The following METAP1 variants were observed in gnomAD, a reference collection of about 807,000 sequenced individuals.
METAP1 encodes the protein methionyl aminopeptidase 1, also known as methionine aminopeptidase 1.
A neutral mutation model predicts 53.8 loss-of-function variants in METAP1; 28 were observed. That is an observed-to-expected ratio of 0.52 (90% CI 0.39 to 0.71). METAP1 has a LOEUF of 0.71. Ranked by LOEUF, METAP1 falls within the 30% of genes least tolerant of loss-of-function variation. METAP1 has a pLI of 0.00. For missense variants in METAP1, 389 were observed against 479.8 expected (o/e 0.81, Z 1.77); for synonymous variants, 181 against 165.7 (o/e 1.09, Z -0.71).
chr4:99,028,443 T>C (rs895521713), intron 1 of METAP1, among the ~76,000 whole-genome samples: 2 of 152,130 alleles, frequency 1.3e-5, no homozygotes, highest in Non-Finnish European at 2.9e-5. Context: ...TGTCACATAG[T>C]AACTACTTAC....
intron 1 of METAP1, among the ~76,000 whole-genome samples, chr4:99,013,429 G>A (rs919235485): frequency 1.3e-5 from 2 of 152,160 alleles, no homozygotes; most frequent in African/African-American, 4.8e-5. Context: ...AATAAAGGCT[G>A]TTGGGCATGG....
At chr4:99,008,434 G>A (rs971678029) in intron 1 of METAP1, among the ~76,000 whole-genome samples, 1 of 152,130 alleles carries the variant, frequency 6.6e-6, no homozygotes, top group Non-Finnish European at 1.5e-5. Flanking sequence ...GTTATAAAAA[G>A]GAGTACATGA....
intron 8 of METAP1, among the ~76,000 whole-genome samples, chr4:99,046,744 G>A (rs1177106145): frequency 1.3e-5 from 2 of 152,078 alleles, no homozygotes; most frequent in African/African-American, 4.8e-5. Context: ...TGTGTATCAG[G>A]TGAAATTTTG....
chr4:99,006,648 TCTTA>T (rs1723192149), intron 1 of METAP1, among the ~76,000 whole-genome samples: 1 of 152,186 alleles, frequency 6.6e-6, no homozygotes. Context: ...AATAGGCCAA[TCTTA>T]CTTAAATTTC....
rs778100398 is a variant in METAP1, at chr4:99,039,328, C to A, written c.341-46C>A. The stretch of plus-strand genomic sequence containing the variant: ...TTTATAATTATGCAAATAAATACTA[C>A]ATCTTTGCATTCATTTTGGTTTTAC... On this transcript the variant is annotated intron_variant, in intron 4 of 10. Transcript: ENST00000296411. 1.5e-5 allele frequency: 16 copies of A among 1,095,778 alleles called. No individual in the cohort carries two copies. The South Asian group carries it at 1.9e-4, about 13-fold the overall frequency. 67.9% of individuals were successfully genotyped at this position (1,095,778 alleles called of 1,614,324 possible).
chr4:99,031,731 C>T, intron 2 of METAP1: 1 of 619,610 alleles, frequency 1.6e-6, no homozygotes, highest in South Asian at 1.5e-5. Context: ...AAAATCCTGT[C>T]CCATGCAAAG....
At chr4:99,031,474 A>C in intron 2 of METAP1, 1 of 1,285,414 alleles carries the variant, frequency 7.8e-7, no homozygotes, top group Non-Finnish European at 1.0e-6. Context: ...TCCCCTACCC[A>C]TTCACACTAG....
At chr4:99,004,422 A>T (rs1723069281) in intron 1 of METAP1, among the ~76,000 whole-genome samples, 1 of 150,008 alleles carries the variant, frequency 6.7e-6, no homozygotes. Flanking sequence ...TAGGGGAGTT[A>T]TTAGCCAAGG....
chr4:99,017,611 A>G (rs62323256), intron 1 of METAP1, among the ~76,000 whole-genome samples: 5,642 of 152,336 alleles, frequency 0.037, 135 homozygotes, highest in African/African-American at 0.058. Flanking sequence ...CGGCAGGGTC[A>G]AGTGAACTAT....
intron 3 of METAP1, 124 bp from the exon 4 acceptor site, chr4:99,035,276 A>G (rs1444334895): frequency 1.5e-6 from 1 of 675,000 alleles, no homozygotes; most frequent in East Asian, 2.7e-5. Flanking sequence ...TTAATGAAAT[A>G]TATATCTGTT....
intron 9 of METAP1, among the ~76,000 whole-genome samples, chr4:99,054,391 C>G (rs1372996692): frequency 1.3e-5 from 2 of 152,170 alleles, no homozygotes; most frequent in Admixed American, 1.3e-4. Flanking sequence ...CCTCTCTCAG[C>G]CTTCGTAGAA....
intron 1 of METAP1, 120 bp downstream of exon 1, chr4:98,995,987 G>T: frequency 1.2e-6 from 1 of 803,324 alleles, no homozygotes. Flanking sequence ...CCCCCCGGCC[G>T]CGTTTCCTCC....
intron 9 of METAP1, among the ~76,000 whole-genome samples, chr4:99,049,234 A>T (rs62325200): frequency 0.025 from 3,748 of 152,318 alleles, 56 homozygotes; most frequent in Non-Finnish European, 0.035. Flanking sequence ...TTTTTAACAG[A>T]CAGCTGGAAT....
rs1727526706 is a variant in METAP1 at position 99,061,224 on chromosome 4, G to C, written c.1068G>C (p.Gln356His). ...AVTRDGKRSA[Q>H]FEHTLLVTDT... ...CAAGAGACGGAAAGCGGTCTGCTCA[G>C]TTTGAGCACACCCTCCTGGTCACAG... The change falls in exon 11 of 11, where the codon CAG (glutamine) becomes CAC (histidine). Residue 356 changes from glutamine (Q) to histidine (H), a missense_variant. Physicochemically the swap from Gln to His is conservative, Grantham distance 24 (BLOSUM62 0). Coordinates refer to ENST00000296411, the MANE Select transcript of METAP1 (RefSeq NM_015143.3). 6.2e-7 allele frequency: 1 copy of C among 1,613,840 alleles called. No individual in the cohort carries two copies.
chr4:99,048,379 T>C (rs960559508), intron 8 of METAP1, among the ~76,000 whole-genome samples: 6 of 152,138 alleles, frequency 3.9e-5, no homozygotes, highest in Non-Finnish European at 1.5e-5. Context: ...TTTTTTTTTT[T>C]CTTTTTCTAT....
intron 9 of METAP1, among the ~76,000 whole-genome samples, chr4:99,053,253 T>G (rs186617690): frequency 3.9e-4 from 60 of 152,338 alleles, no homozygotes; most frequent in African/African-American, 1.3e-3. Flanking sequence ...TTTGGTTTTG[T>G]TTTTGTTTGT....
chr4:99,012,621 T>G (rs1158371458), intron 1 of METAP1, among the ~76,000 whole-genome samples: 1 of 151,696 alleles, frequency 6.6e-6, no homozygotes, highest in Admixed American at 6.6e-5. Flanking sequence ...TAGACTTTCC[T>G]TTTAAAACAT....
intron 5 of METAP1, among the ~76,000 whole-genome samples, chr4:99,040,687 A>C (rs1448629944): frequency 6.4e-5 from 9 of 141,482 alleles, no homozygotes; most frequent in Non-Finnish European, 1.2e-4. Flanking sequence ...AAGAGACAGG[A>C]TCTCACTATG....
intron 10 of METAP1, among the ~76,000 whole-genome samples, chr4:99,059,349 C>G (rs1257022354): frequency 6.6e-6 from 1 of 151,966 alleles, no homozygotes; most frequent in African/African-American, 2.4e-5. Flanking sequence ...GTGTAAAGGC[C>G]ATTTGTGTAA....
Sources: gnomAD v4.1 joint callset for allele counts (sites outside exome capture counted in the v4.1 genomes callset) on GRCh38, gnomAD v4.1.1 for gene constraint, MANE v1.5 for transcripts, NCBI Gene and HGNC (gene_info 2026-07-23, HGNC 2026-07-21) for gene names.